The following N4BP2L2 variants were observed in gnomAD, a reference collection of about 807,000 sequenced individuals.
N4BP2L2 encodes the protein NEDD4 binding protein 2 like 2, also known as NEDD4-binding protein 2-like 2.
Under a neutral mutation model 56.2 loss-of-function variants are expected in N4BP2L2, and 50 were observed. That is an observed-to-expected ratio of 0.89 (90% CI 0.71 to 1.13). The LOEUF is 1.13. Among genes scored for constraint, N4BP2L2 ranks in the 50% most tolerant of loss-of-function variants. The pLI is 0.00. For synonymous variants in N4BP2L2, 203 were observed against 223.6 expected (o/e 0.91, Z 0.82); for missense variants, 689 against 693.8 (o/e 0.99, Z 0.08).
intron 6 of N4BP2L2, among the ~76,000 whole-genome samples, chr13:32,463,091 T>G (rs979377747): frequency 6.6e-6 from 1 of 151,318 alleles, no homozygotes; most frequent in Non-Finnish European, 1.5e-5. Context: ...ATAAAAAATT[T>G]CAAAAACAAA....
chr13:32,442,904 T>C, exon 7 of N4BP2L2: 2 of 1,612,658 alleles, frequency 1.2e-6, no homozygotes, highest in Non-Finnish European at 1.7e-6. Context: ...AGTTTTTGTT[T>C]ATTCTCCTCT....
At chr13:32,444,004 A>G in exon 7 of N4BP2L2, 1 of 1,609,066 alleles carries the variant, frequency 6.2e-7, no homozygotes, top group Non-Finnish European at 8.5e-7. Context: ...AAGATCACTT[A>G]AGAATTCTAA....
intron 7 of N4BP2L2, among the ~76,000 whole-genome samples, chr13:32,441,700 T>C (rs1040923494): frequency 1.6e-5 from 2 of 126,708 alleles, no homozygotes; most frequent in East Asian, 4.1e-4. Flanking sequence ...CATAAATAAA[T>C]AAATAAATAA....
exon 7 of N4BP2L2, chr13:32,444,104 C>G: frequency 1.3e-6 from 2 of 1,525,558 alleles, no homozygotes; most frequent in Non-Finnish European, 1.8e-6. Flanking sequence ...AGCCTATGCC[C>G]AGTTTTCTTC....
chr13:32,518,939 T>C (rs1381706482), intron 5 of N4BP2L2, among the ~76,000 whole-genome samples: 1 of 152,190 alleles, frequency 6.6e-6, no homozygotes, highest in Non-Finnish European at 1.5e-5. Context: ...ACCCTCATAG[T>C]TTTCTGTAAC....
intron 6 of N4BP2L2, among the ~76,000 whole-genome samples, chr13:32,487,809 C>T (rs1690720021): frequency 6.6e-6 from 1 of 152,128 alleles, no homozygotes; most frequent in South Asian, 2.1e-4. Context: ...AGCATTTTTA[C>T]AAGCTCTTTA....
chr13:32,478,450 G>A (rs2083826059), intron 6 of N4BP2L2: 1 of 170,164 alleles, frequency 5.9e-6, no homozygotes, highest in South Asian at 1.5e-4. Context: ...TTAGTGAAAG[G>A]AGCAAAAGAA....
chr13:32,521,984 A>G (rs1311859839), intron 4 of N4BP2L2, 198 bp downstream of exon 4: 3 of 519,342 alleles, frequency 5.8e-6, no homozygotes, highest in Non-Finnish European at 9.9e-6. Context: ...TCAAAAAAAC[A>G]AACAAAAATT....
At chr13:32,509,565 G>C (rs1184930987), downstream of N4BP2L2, among the ~76,000 whole-genome samples, 3 of 152,104 alleles carry the variant, frequency 2.0e-5, no homozygotes, top group African/African-American at 7.2e-5. Flanking sequence ...GTGATCCAAA[G>C]ATAACAAGAT....
chr13:32,445,069 C>A (rs1299376564), intron 6 of N4BP2L2, among the ~76,000 whole-genome samples: 1 of 151,986 alleles, frequency 6.6e-6, no homozygotes, highest in Non-Finnish European at 1.5e-5. Flanking sequence ...GCCAACGTGG[C>A]GAAACCCTGT....
intron 6 of N4BP2L2, chr13:32,446,314 A>G (rs1485431471): frequency 7.8e-7 from 1 of 1,287,870 alleles, no homozygotes. Flanking sequence ...TATTGAGTAA[A>G]GAGTGCTATC....
chr13:32,436,052 C>T (rs530032142), intron 9 of N4BP2L2, among the ~76,000 whole-genome samples: 1 of 152,206 alleles, frequency 6.6e-6, no homozygotes, highest in Admixed American at 6.5e-5. Flanking sequence ...CATACCAACC[C>T]AAGGGGGGAA....
At chr13:32,516,750 T>C in exon 6 of N4BP2L2, 1 of 290,862 alleles carries the variant, frequency 3.4e-6, no homozygotes, top group Non-Finnish European at 5.1e-6. Flanking sequence ...AGAAATATTC[T>C]TCAGAAGACA....
chr13:32,504,842 C>G (rs1393377373), intron 6 of N4BP2L2: 1 of 152,220 alleles, frequency 6.6e-6, no homozygotes, highest in East Asian at 1.9e-4. Context: ...CCAAAATACA[C>G]CACTGGTGAG....
At chr13:32,436,174 T>A (rs2075451309) in intron 9 of N4BP2L2, among the ~76,000 whole-genome samples, 1 of 152,228 alleles carries the variant, frequency 6.6e-6, no homozygotes, top group Non-Finnish European at 1.5e-5. Flanking sequence ...TCAAAAAAGA[T>A]CTACACTTAA....
At chr13:32,461,467 G>C (rs564388484) in intron 6 of N4BP2L2, among the ~76,000 whole-genome samples, 1 of 152,072 alleles carries the variant, frequency 6.6e-6, no homozygotes, top group Non-Finnish European at 1.5e-5. Context: ...AGTGGGCAAA[G>C]GATCTAAATA....
At chr13:32,463,383 G>C (rs113323036) in intron 6 of N4BP2L2, among the ~76,000 whole-genome samples, 6 of 152,144 alleles carry the variant, frequency 3.9e-5, no homozygotes, top group African/African-American at 1.4e-4. Context: ...GGGCACATAG[G>C]CCAGGTGGGG....
intron 2 of N4BP2L2, among the ~76,000 whole-genome samples, chr13:32,528,543 C>A (rs1039487146): frequency 6.6e-6 from 1 of 152,168 alleles, no homozygotes; most frequent in African/African-American, 2.4e-5. Context: ...ACTCTCATTA[C>A]CAATGACTCA....
At chr13:32,449,615 C>G (rs569881939) in intron 6 of N4BP2L2, among the ~76,000 whole-genome samples, 2 of 152,216 alleles carry the variant, frequency 1.3e-5, no homozygotes, top group East Asian at 3.9e-4. Flanking sequence ...AACTAACCAG[C>G]TTTCTGTCCC....
Sources: gnomAD v4.1 joint callset for allele counts (sites outside exome capture counted in the v4.1 genomes callset) on GRCh38, gnomAD v4.1.1 for gene constraint, MANE v1.5 for transcripts, NCBI Gene and HGNC (gene_info 2026-07-23, HGNC 2026-07-21) for gene names.